Variants in KCNK10 observed in about 807,000 individuals in gnomAD.
KCNK10 encodes the protein potassium channel subfamily K member 10.
A neutral mutation model predicts 47.7 loss-of-function variants in KCNK10; 25 were observed. The observed-to-expected ratio is 0.52, with a 90% CI of 0.38 to 0.73. The LOEUF is 0.73. KCNK10 is among the 30% of genes least tolerant of loss of function. The pLI is 0.00. For missense variants in KCNK10, 563 were observed against 714.5 expected (o/e 0.79, Z 2.42); for synonymous variants, 303 against 285.6 (o/e 1.06, Z -0.61).
chr14:88,230,077 T>C (rs1169781182), intron 3 of KCNK10, among the ~76,000 whole-genome samples: 1 of 152,214 alleles, frequency 6.6e-6, no homozygotes. Context: ...TGCCTACCCA[T>C]AGCTATTAAA....
intron 2 of KCNK10, among the ~76,000 whole-genome samples, chr14:88,261,010 C>A (rs772484272): frequency 2.6e-5 from 4 of 152,190 alleles, no homozygotes; most frequent in Non-Finnish European, 4.4e-5. Flanking sequence ...ATGGGCAATA[C>A]GGAAATGCCG....
rs777028899 is a variant in KCNK10 at position 88,263,058 on chromosome 14, G to C, written c.402+144C>G. 1.1e-5 allele frequency: 7 copies of C among 642,830 alleles called. No homozygotes were observed. The South Asian group carries it at 1.2e-4, about 11-fold the overall frequency. The allele number at this position is 642,830 out of a possible 1,614,324, so 39.8% of individuals were successfully genotyped here. ...TCACTATCGCTTCTTGGAGGTCTCAGCTCACATGTCACCTCCCTGGAGAGA... is the reference window on the plus strand; with the variant it reads ...TCACTATCGCTTCTTGGAGGTCTCACCTCACATGTCACCTCCCTGGAGAGA... On this transcript the variant is annotated intron_variant, in intron 2 of 6. Coordinates refer to ENST00000319231, the MANE Select transcript of KCNK10 (RefSeq NM_138317.3).
intron 1 of KCNK10, among the ~76,000 whole-genome samples, chr14:88,307,048 C>T (rs1206017026): frequency 6.6e-6 from 1 of 152,112 alleles, no homozygotes; most frequent in Non-Finnish European, 1.5e-5. Context: ...AAATGGTGTT[C>T]AGCATGATGC....
rs773394550 is a variant in KCNK10, at chr14:88,185,602, C to G, written c.1565G>C (p.Gly522Ala). 1.2e-6 allele frequency: 2 copies of G among 1,614,030 alleles called. No individual in the cohort carries two copies. Among genetic ancestry groups the G allele is most frequent in the Admixed American group, 3.3e-5 (2 of 60,008 alleles). ...CIQQHAELEN[G>A]MIPTDTKDRE... The stretch of plus-strand genomic sequence containing the variant: ...GTCTTTGGTGTCCGTGGGTATCATT[C>G]CGTTCTCCAACTCAGCGTGCTGCTG... Residue 522 changes from glycine to alanine, a missense_variant, in exon 7 of 7, where the codon GGA becomes GCA. Physicochemically the swap from Gly to Ala is moderately conservative, Grantham distance 60. Transcript: ENST00000319231. The surrounding 1 kb of genome is among the most constrained non-coding windows in gnomAD (Gnocchi z 4.3).
rs1566694560 is a variant in KCNK10 at position 88,231,124 on chromosome 14, T to TCG, written c.521-3590_521-3589insCG. Among the ~76,000 whole-genome samples, 917 of 151,944 alleles carry TCG rather than the reference T, an allele frequency of 6.0e-3. 8 individuals carry two copies. The highest frequency in any genetic ancestry group is 0.021 in the African/African-American group (881 of 41,374). On this transcript the variant is annotated intron_variant, in intron 3 of 6. Coordinates refer to ENST00000319231, the MANE Select transcript of KCNK10 (RefSeq NM_138317.3). ...CCCTTGTCTCTACAAAAAAAAAATT[T>TCG]TTTTAATTAGCCCGGCATGGTGGTG...
At chr14:88,300,317 G>A (rs115009884) in intron 1 of KCNK10, among the ~76,000 whole-genome samples, 1,693 of 152,090 alleles carry the variant, frequency 0.011, 39 homozygotes, top group African/African-American at 0.039. Context: ...TGTGCCACAC[G>A]TCCTTCATCA....
In KCNK10 at chr14:88,260,526, A is replaced by G. The variant is rs2139750171; in HGVS notation, c.402+2676T>C. On this transcript the variant is annotated intron_variant, in intron 2 of 6. Transcript: ENST00000319231. This position sits in a 1 kb window ranked among gnomAD's most constrained non-coding sequence, Gnocchi z 4.5. ...TTAAAAGAGACTGGAGCTTATTATA[A>G]ACCAAGATCTACTTAAAGGGCCTGT... 6.6e-6 allele frequency among the ~76,000 whole-genome samples: 1 copy of G among 152,310 alleles called. No homozygotes were observed. The highest frequency in any genetic ancestry group is 2.1e-4 in the South Asian group (1 of 4,824).
At chr14:88,312,530 T>A (rs748132946) in intron 1 of KCNK10, among the ~76,000 whole-genome samples, 3 of 152,168 alleles carry the variant, frequency 2.0e-5, no homozygotes, top group Non-Finnish European at 2.9e-5. Flanking sequence ...TCCCCAGCAT[T>A]TCTACTGCTC....
At chr14:88,241,904 T>TGGC (rs1300046194) in intron 2 of KCNK10, among the ~76,000 whole-genome samples, 2 of 152,036 alleles carry the variant, frequency 1.3e-5, no homozygotes, top group Non-Finnish European at 2.9e-5. Flanking sequence ...CTTCCTGAGC[T>TGGC]GGCCCCTGCC....
intron 3 of KCNK10, among the ~76,000 whole-genome samples, chr14:88,228,300 A>C (rs17763472): frequency 0.031 from 4,494 of 146,584 alleles, 97 homozygotes; most frequent in Middle Eastern, 0.042. Flanking sequence ...TGTATTTCAA[A>C]TAGTGCTTTG....
rs1884294002 is a variant in KCNK10, at chr14:88,180,184, T to C, written c.*5351A>G. ...AAATTACATCATCAAATAAAGACAA[T>C]AGCAGCACAGCTTATTGAAATGTCA... On this transcript the variant is annotated 3_prime_UTR_variant, in exon 7 of 7. Coordinates refer to ENST00000319231, the MANE Select transcript of KCNK10 (RefSeq NM_138317.3). 6.6e-6 allele frequency: 1 copy of C among 152,316 alleles called. No homozygotes were observed. Among genetic ancestry groups the C allele is most frequent in the South Asian group, 2.1e-4 (1 of 4,826 alleles). The allele number at this position is 152,316 out of a possible 1,614,324, so 9.4% of individuals were successfully genotyped here.
chr14:88,187,246 T>C (rs1418239389), intron 6 of KCNK10, among the ~76,000 whole-genome samples: 1 of 152,162 alleles, frequency 6.6e-6, no homozygotes, highest in Non-Finnish European at 1.5e-5. Context: ...GCTGGCCCTC[T>C]ATTTCTTTGG....
intron 2 of KCNK10, among the ~76,000 whole-genome samples, chr14:88,261,302 A>G (rs967464942): frequency 2.0e-5 from 3 of 152,158 alleles, no homozygotes; most frequent in Non-Finnish European, 4.4e-5. Context: ...AAAGGATCCT[A>G]CCTCATATCA....
Position 88,269,523 on chromosome 14 carries a change from G to A in KCNK10, c.53-5972C>T, listed in dbSNP as rs555097329. On this transcript the variant is annotated intron_variant, in intron 1 of 6. Coordinates refer to ENST00000319231, the MANE Select transcript of KCNK10 (RefSeq NM_138317.3). The stretch of plus-strand genomic sequence containing the variant: ...CACAATTATAGCTCACTGTAACCTC[G>A]AATTCCTGGCTTGAGCTATCCTCCC... Among the ~76,000 whole-genome samples the A allele has an allele frequency of 5.9e-5, 9 of 152,226 alleles. 1 individual carries two copies. The East Asian group carries it at 1.4e-3, about 23-fold the overall frequency.
At chr14:88,187,841 C>T (rs1884621077) in intron 6 of KCNK10, 126 bp downstream of exon 6, 1 of 840,278 alleles carries the variant, frequency 1.2e-6, no homozygotes, top group Non-Finnish European at 1.9e-6. Flanking sequence ...AAGCCTATGA[C>T]CCGCCCCCCG....
At chr14:88,271,592 T>A (rs930037126) in intron 1 of KCNK10, among the ~76,000 whole-genome samples, 4 of 152,178 alleles carry the variant, frequency 2.6e-5, no homozygotes, top group African/African-American at 9.7e-5. Flanking sequence ...GCCTCTCTTT[T>A]ACTCAGGGGT....
intron 5 of KCNK10, among the ~76,000 whole-genome samples, chr14:88,188,405 A>T (rs1384344874): frequency 6.6e-6 from 1 of 152,238 alleles, no homozygotes; most frequent in African/African-American, 2.4e-5. Flanking sequence ...AGCGTTAAGG[A>T]TGAATAACTC....
At chr14:88,190,378 C>T (rs1595070836) in intron 5 of KCNK10, among the ~76,000 whole-genome samples, 1 of 152,254 alleles carries the variant, frequency 6.6e-6, no homozygotes, top group South Asian at 2.1e-4. Context: ...CATGTGTTTG[C>T]CTTAGATTGG....
intron 1 of KCNK10, chr14:88,270,895 C>T (rs1887391670): frequency 1.3e-6 from 1 of 769,916 alleles, no homozygotes; most frequent in African/African-American, 1.7e-5. Context: ...GAGTAAAGTG[C>T]AGGCTCCATG....
Sources: gnomAD v4.1 joint callset for allele counts (sites outside exome capture counted in the v4.1 genomes callset) on GRCh38, gnomAD v4.1.1 for gene constraint, Gnocchi (gnomAD v3.1) non-coding constraint, MANE v1.5 for transcripts, NCBI Gene and HGNC (gene_info 2026-07-23, HGNC 2026-07-21) for gene names.